Variants in CCDC91 observed in about 807,000 individuals in gnomAD.
The protein encoded by CCDC91 is coiled-coil domain-containing protein 91.
CCDC91 carries 48 observed loss-of-function variants against 63.2 expected under a neutral mutation model. The observed-to-expected ratio is 0.76, with a 90% CI of 0.60 to 0.97. The LOEUF is 0.97. Ranked by LOEUF, CCDC91 falls within the 50% of genes least tolerant of loss-of-function variation. The pLI is 0.00. For missense variants in CCDC91, 500 were observed against 494.6 expected (o/e 1.01, Z -0.10); for synonymous variants, 167 against 165.8 (o/e 1.01, Z -0.06).
At chr12:28,333,396 G>GAA (rs1217580461) in intron 6 of CCDC91, among the ~76,000 whole-genome samples, 2,798 of 89,026 alleles carry the variant, frequency 0.031, 40 homozygotes, top group Non-Finnish European at 0.042. Context: ...CTCCATCTCA[G>GAA]AAAAAAAAAA....
intron 12 of CCDC91, among the ~76,000 whole-genome samples, chr12:28,526,831 T>C (rs751662677): frequency 6.6e-6 from 1 of 152,080 alleles, no homozygotes; most frequent in South Asian, 2.1e-4. Flanking sequence ...CTTTGTTGGA[T>C]TGGGTTAATT....
chr12:28,229,864 G>A (rs1183613171), intron 1 of CCDC91, among the ~76,000 whole-genome samples: 1 of 152,098 alleles, frequency 6.6e-6, no homozygotes, highest in African/African-American at 2.4e-5. Flanking sequence ...GTTTTGGGTT[G>A]ACAAAATTAA....
At chr12:28,460,982 G>A (rs1477330299) in intron 11 of CCDC91, among the ~76,000 whole-genome samples, 3 of 151,906 alleles carry the variant, frequency 2.0e-5, no homozygotes, top group Admixed American at 2.0e-4. Context: ...TAGAAACCTA[G>A]GTGGTACAGC....
At chr12:28,439,961 T>C (rs1949100909) in intron 8 of CCDC91, among the ~76,000 whole-genome samples, 1 of 151,508 alleles carries the variant, frequency 6.6e-6, no homozygotes, top group Non-Finnish European at 1.5e-5. Flanking sequence ...ATTTATTTCT[T>C]CAATTTGCTA....
intron 3 of CCDC91, among the ~76,000 whole-genome samples, chr12:28,303,675 AAC>A (rs1938333310): frequency 6.6e-6 from 1 of 152,158 alleles, no homozygotes; most frequent in Non-Finnish European, 1.5e-5. Flanking sequence ...ATAAAATATC[AAC>A]ACTTTACTAA....
At chr12:28,394,841 A>G (rs1424852366) in intron 8 of CCDC91, among the ~76,000 whole-genome samples, 1 of 152,124 alleles carries the variant, frequency 6.6e-6, no homozygotes, top group African/African-American at 2.4e-5. Flanking sequence ...CACTTAGGGC[A>G]AGTCTCTTAA....
intron 3 of CCDC91, among the ~76,000 whole-genome samples, chr12:28,272,781 TTGTAATATATGCTTA>T (rs907395715): frequency 1.3e-5 from 2 of 152,120 alleles, no homozygotes; most frequent in African/African-American, 2.4e-5. Flanking sequence ...TGTATCATTA[TTGTAATATATGCTTA>T]TGGCCTAATT....
intron 6 of CCDC91, among the ~76,000 whole-genome samples, chr12:28,343,036 A>G (rs1942547099): frequency 6.6e-6 from 1 of 152,006 alleles, no homozygotes; most frequent in African/African-American, 2.4e-5. Context: ...AGAGTAGAAA[A>G]TGCATGTTTT....
intron 6 of CCDC91, among the ~76,000 whole-genome samples, chr12:28,335,606 C>T (rs1941916371): frequency 6.6e-6 from 1 of 151,330 alleles, no homozygotes; most frequent in Non-Finnish European, 1.5e-5. Flanking sequence ...CTGAGCTTCC[C>T]TTTGTAGCCT....
chr12:28,506,096 G>A (rs1938678070), intron 12 of CCDC91, among the ~76,000 whole-genome samples: 1 of 152,006 alleles, frequency 6.6e-6, no homozygotes, highest in South Asian at 2.1e-4. Context: ...AATGTTTGAT[G>A]TGAATGTGAT....
At chr12:28,218,328 T>C (rs1185851305) in intron 1 of CCDC91, among the ~76,000 whole-genome samples, 1 of 152,210 alleles carries the variant, frequency 6.6e-6, no homozygotes, top group Non-Finnish European at 1.5e-5. Context: ...GCATAGAGGC[T>C]GTGATAAAAG....
intron 6 of CCDC91, among the ~76,000 whole-genome samples, chr12:28,323,510 G>T (rs1251193196): frequency 6.6e-6 from 1 of 151,790 alleles, no homozygotes; most frequent in Non-Finnish European, 1.5e-5. Context: ...TCCTGTGATA[G>T]TACCACCTAC....
At chr12:28,245,365 C>A (rs1172175338) in intron 1 of CCDC91, among the ~76,000 whole-genome samples, 1 of 151,996 alleles carries the variant, frequency 6.6e-6, no homozygotes, top group Non-Finnish European at 1.5e-5. Context: ...TATAAATACT[C>A]AAATACAGAT....
intron 8 of CCDC91, among the ~76,000 whole-genome samples, chr12:28,402,369 C>G (rs1345957999): frequency 6.6e-6 from 1 of 152,028 alleles, no homozygotes; most frequent in Non-Finnish European, 1.5e-5. Context: ...AGATTTAAAG[C>G]TAAATGTTTC....
At chr12:28,333,524 A>C (rs1941683211) in intron 6 of CCDC91, among the ~76,000 whole-genome samples, 1 of 152,212 alleles carries the variant, frequency 6.6e-6, no homozygotes, top group Non-Finnish European at 1.5e-5. Flanking sequence ...CCAGTAGGCA[A>C]ACTCTTAAAT....
At chr12:28,332,367 A>G (rs1941584595) in intron 6 of CCDC91, among the ~76,000 whole-genome samples, 1 of 152,202 alleles carries the variant, frequency 6.6e-6, no homozygotes, top group South Asian at 2.1e-4. Flanking sequence ...ATTTTAAGGA[A>G]GATATTGAAA....
intron 11 of CCDC91, among the ~76,000 whole-genome samples, chr12:28,477,951 A>G (rs906931899): frequency 6.6e-5 from 10 of 152,144 alleles, no homozygotes; most frequent in Admixed American, 5.2e-4. Context: ...CCACTGCTCA[A>G]CGAAATAAAA....
chr12:28,327,458 G>T (rs1272100096), intron 6 of CCDC91, among the ~76,000 whole-genome samples: 1 of 152,064 alleles, frequency 6.6e-6, no homozygotes. Context: ...AAAAAGATTA[G>T]GGTGGAGTGG....
Position 28,391,303 on chromosome 12 carries a change from G to A in CCDC91, c.655-1G>A. 1 of 1,596,006 alleles carries A rather than the reference G, an allele frequency of 6.3e-7. No homozygotes were observed. The highest frequency in any genetic ancestry group is 8.6e-7 in the Non-Finnish European group (1 of 1,167,596). On this transcript the variant is annotated splice_acceptor_variant, in intron 7 of 12. Transcript: ENST00000536442. LOFTEE classifies it high-confidence loss of function. ...CAAATGACTTTTTTGCTTGTTTTCAGGCACTACTGCAGTCTTCAGTTAAGC... is the reference window on the plus strand; with the variant it reads ...CAAATGACTTTTTTGCTTGTTTTCAAGCACTACTGCAGTCTTCAGTTAAGC...
Sources: gnomAD v4.1 joint callset for allele counts (sites outside exome capture counted in the v4.1 genomes callset) on GRCh38, gnomAD v4.1.1 for gene constraint, MANE v1.5 for transcripts, NCBI Gene and HGNC (gene_info 2026-07-23, HGNC 2026-07-21) for gene names.